GRID1: variants seen among roughly 807,000 people sequenced by gnomAD.
GRID1 encodes glutamate receptor ionotropic, delta-1.
A neutral mutation model predicts 98.0 loss-of-function variants in GRID1; 28 were observed. That is an observed-to-expected ratio of 0.29 (90% CI 0.21 to 0.39). The LOEUF is 0.39. Ranked by LOEUF, GRID1 falls within the 10% of genes least tolerant of loss-of-function variation. The probability of loss-of-function intolerance (pLI) is 1.00; values close to 1 mark genes in which losing one functional copy is unlikely to be tolerated. For missense variants in GRID1, 1,111 were observed against 1,340.5 expected (o/e 0.83, Z 2.67); for synonymous variants, 553 against 538.5 (o/e 1.03, Z -0.37).
At position 85,934,413 on chromosome 10, in the gene GRID1, G is replaced by GACACAC. The variant is rs5786728; in HGVS notation, c.727-18180_727-18175dup. On this transcript the variant is annotated intron_variant, in intron 4 of 15. Coordinates refer to ENST00000327946, the MANE Select transcript of GRID1 (RefSeq NM_017551.3). The stretch of plus-strand genomic sequence containing the variant: ...GAAGAACCCTAAGCTGCAGAGATTG[G>GACACAC]ACACACACACACACACACACACACA... 9.7e-3 allele frequency among the ~76,000 whole-genome samples: 1,368 copies of GACACAC among 141,466 alleles called. 12 individuals are homozygous for GACACAC. The highest frequency in any genetic ancestry group is 0.014 in the African/African-American group (544 of 38,402). 92.8% of individuals were successfully genotyped at this position (141,466 alleles called of 152,430 possible). A position where few individuals can be genotyped will look rare whatever the true frequency, so the allele number is the denominator to read the frequency against.
At chr10:85,993,186 G>T (rs1842702460) in intron 4 of GRID1, among the ~76,000 whole-genome samples, 1 of 152,182 alleles carries the variant, frequency 6.6e-6, no homozygotes, top group African/African-American at 2.4e-5. Flanking sequence ...CAGGGTATTT[G>T]CTGGCCTCAG....
intron 8 of GRID1, among the ~76,000 whole-genome samples, chr10:85,762,548 C>A (rs1426201442): frequency 6.6e-6 from 1 of 152,094 alleles, no homozygotes; most frequent in Admixed American, 6.6e-5. Flanking sequence ...CCCAGTCTGC[C>A]CCAATGTGGG....
rs543054014 is a variant in GRID1, at chr10:85,611,001, C to T, written c.2601+2406G>A. ...GAAGTCCCACATTCTGGAAGCAGGG[C>T]TAATGTATTCATCATTTCATAACTG... On this transcript the variant is annotated intron_variant, in intron 15 of 15. Coordinates refer to ENST00000327946, the MANE Select transcript of GRID1 (RefSeq NM_017551.3). Among the ~76,000 whole-genome samples the T allele has an allele frequency of 4.2e-4, 64 of 152,250 alleles. No homozygotes were observed. In the Middle Eastern group the frequency reaches 0.01, roughly 24 times the overall value.
chr10:86,070,284 T>A (rs1843785051), intron 4 of GRID1, among the ~76,000 whole-genome samples: 1 of 152,146 alleles, frequency 6.6e-6, no homozygotes, highest in African/African-American at 2.4e-5. Context: ...GGAGTGTCTG[T>A]GCCAGTTGTG....
chr10:86,167,722 C>T (rs1268631055), intron 3 of GRID1, among the ~76,000 whole-genome samples: 1 of 152,256 alleles, frequency 6.6e-6, no homozygotes, highest in Non-Finnish European at 1.5e-5. Context: ...CGGCCCTCCT[C>T]AGCATGTTCT....
At position 85,658,430 on chromosome 10, in the gene GRID1, T is replaced by A. The variant is rs181397626; in HGVS notation, c.1998-11033A>T. ...CCCCCTCATTTTACAGATTAAAAAA[T>A]CAAGGCTTCAGGAGATTAAGGAATT... On this transcript the variant is annotated intron_variant, in intron 12 of 15. Coordinates refer to ENST00000327946, the MANE Select transcript of GRID1 (RefSeq NM_017551.3). 2.3e-3 allele frequency among the ~76,000 whole-genome samples: 353 copies of A among 152,278 alleles called. 4 individuals carry two copies. The highest frequency in any genetic ancestry group is 8.0e-3 in the African/African-American group (334 of 41,548).
At chr10:85,891,094 T>C (rs1315775627) in intron 5 of GRID1, among the ~76,000 whole-genome samples, 1 of 152,192 alleles carries the variant, frequency 6.6e-6, no homozygotes, top group Admixed American at 6.5e-5. Flanking sequence ...ACCTATTTGT[T>C]TATCTCAGGA....
intron 12 of GRID1, among the ~76,000 whole-genome samples, chr10:85,700,980 A>C (rs1245834105): frequency 6.6e-6 from 1 of 152,198 alleles, no homozygotes; most frequent in Non-Finnish European, 1.5e-5. Flanking sequence ...ATAACTAAGA[A>C]AATATGTTTA....
chr10:86,138,000 G>A (rs566341102), intron 4 of GRID1, among the ~76,000 whole-genome samples: 1 of 152,226 alleles, frequency 6.6e-6, no homozygotes, highest in African/African-American at 2.4e-5. Flanking sequence ...GGGGTTGTCT[G>A]GAGAATCTGC....
intron 4 of GRID1, among the ~76,000 whole-genome samples, chr10:85,934,877 G>A (rs1009710464): frequency 1.3e-5 from 2 of 152,142 alleles, no homozygotes; most frequent in African/African-American, 4.8e-5. Flanking sequence ...CCACCCACAA[G>A]TAAGTCCTGT....
chr10:85,879,699 A>G (rs1326657006), intron 5 of GRID1, among the ~76,000 whole-genome samples: 2 of 152,228 alleles, frequency 1.3e-5, no homozygotes, highest in Non-Finnish European at 2.9e-5. Context: ...CCCTAACATC[A>G]CAATTAAAAG....
chr10:85,678,238 C>G (rs7076174), intron 12 of GRID1, among the ~76,000 whole-genome samples: 52,330 of 151,854 alleles, frequency 0.34, 9,659 homozygotes, highest in African/African-American at 0.48. Context: ...CCTTCCTGCT[C>G]GACAAGGTGC....
intron 5 of GRID1, among the ~76,000 whole-genome samples, chr10:85,911,085 G>T (rs781180657): frequency 1.3e-5 from 2 of 152,212 alleles, no homozygotes; most frequent in Non-Finnish European, 1.5e-5. Context: ...TAAATGTGGG[G>T]TCAGGGTCAT....
chr10:85,781,136 T>C (rs1331356885), intron 8 of GRID1, among the ~76,000 whole-genome samples: 1 of 152,196 alleles, frequency 6.6e-6, no homozygotes, highest in Admixed American at 6.5e-5. Flanking sequence ...GAAGGGGAAA[T>C]GAAGTAGGTG....
At chr10:86,121,533 C>CATT in intron 4 of GRID1, among the ~76,000 whole-genome samples, 1 of 152,360 alleles carries the variant, frequency 6.6e-6, no homozygotes, top group East Asian at 1.9e-4. Context: ...TCATCACCAT[C>CATT]ATCACCATCA....
chr10:85,998,841 A>G (rs963851992), intron 4 of GRID1, among the ~76,000 whole-genome samples: 5 of 152,248 alleles, frequency 3.3e-5, no homozygotes, highest in Non-Finnish European at 7.3e-5. Context: ...TATTAAAATG[A>G]TAAGAAGGGA....
intron 3 of GRID1, among the ~76,000 whole-genome samples, chr10:86,204,148 T>C (rs1325469383): frequency 6.6e-6 from 1 of 152,092 alleles, no homozygotes; most frequent in African/African-American, 2.4e-5. Context: ...ATACAACCTG[T>C]TTCCTAGCCT....
At chr10:86,005,067 A>C (rs1191191906) in intron 4 of GRID1, among the ~76,000 whole-genome samples, 1 of 152,188 alleles carries the variant, frequency 6.6e-6, no homozygotes, top group East Asian at 1.9e-4. Context: ...CTTTTCTCCC[A>C]AAGTATATGG....
At chr10:85,854,707 G>T in intron 7 of GRID1, 92 bp from the exon 8 acceptor site, 3 of 1,306,836 alleles carry the variant, frequency 2.3e-6, no homozygotes, top group Non-Finnish European at 3.3e-6. Flanking sequence ...TGGTCACCAA[G>T]AACGGAGCAA....
Sources: gnomAD v4.1 joint callset for allele counts (sites outside exome capture counted in the v4.1 genomes callset) on GRCh38, gnomAD v4.1.1 for gene constraint, MANE v1.5 for transcripts, NCBI Gene and HGNC (gene_info 2026-07-23, HGNC 2026-07-21) for gene names.